AGMO: variants seen among roughly 807,000 people sequenced by gnomAD.
AGMO encodes the protein glyceryl-ether monooxygenase.
In AGMO, 75 loss-of-function variants were observed where a neutral mutation model predicts 60.2. That is an observed-to-expected ratio of 1.25 (90% CI 1.03 to 1.51). AGMO has a LOEUF of 1.51. AGMO is among the 40% of genes most tolerant of loss of function. AGMO has a pLI of 0.00. For synonymous variants in AGMO, 261 were observed against 177.1 expected (o/e 1.47, Z -3.76); for missense variants, 763 against 525.5 (o/e 1.45, Z -4.42).
intron 12 of AGMO, among the ~76,000 whole-genome samples, chr7:15,230,154 G>A (rs1456261646): frequency 1.3e-5 from 2 of 152,156 alleles, no homozygotes; most frequent in East Asian, 1.9e-4. Flanking sequence ...AAGAGGAGGA[G>A]GAAAATAAGA....
chr7:15,532,720 G>T (rs199776374), intron 3 of AGMO, among the ~76,000 whole-genome samples: 1 of 12,566 alleles, frequency 8.0e-5, no homozygotes, highest in Non-Finnish European at 2.9e-4. Context: ...GCTGGGTGCG[G>T]TGGTTCATGC....
chr7:15,283,850 G>A (rs921699980), intron 12 of AGMO, among the ~76,000 whole-genome samples: 16 of 151,284 alleles, frequency 1.1e-4, no homozygotes, highest in African/African-American at 3.9e-4. Flanking sequence ...TCTTAATGAA[G>A]TTTAAAAAAA....
At chr7:15,505,773 CTT>C (rs1371512987) in intron 3 of AGMO, among the ~76,000 whole-genome samples, 2 of 151,802 alleles carry the variant, frequency 1.3e-5, no homozygotes, top group African/African-American at 4.8e-5. Flanking sequence ...AAATATTTTC[CTT>C]GTTTAAATTA....
At chr7:15,126,047 A>C in the AGMO span, among the ~76,000 whole-genome samples, 1 of 152,100 alleles carries the variant, frequency 6.6e-6, no homozygotes, top group Non-Finnish European at 1.5e-5. Flanking sequence ...CATTTGGTGA[A>C]GTACCACAGT....
At chr7:15,304,976 C>A (rs1477682210) in intron 12 of AGMO, among the ~76,000 whole-genome samples, 1 of 151,956 alleles carries the variant, frequency 6.6e-6, no homozygotes, top group Non-Finnish European at 1.5e-5. Context: ...GGTTTCCCTC[C>A]TGCCATCTCA....
At chr7:15,487,667 G>T (rs1308087753) in intron 3 of AGMO, among the ~76,000 whole-genome samples, 2 of 151,930 alleles carry the variant, frequency 1.3e-5, no homozygotes, top group Non-Finnish European at 2.9e-5. Context: ...GTCCTTATAT[G>T]ATTTAAACAT....
intron 8 of AGMO, among the ~76,000 whole-genome samples, chr7:15,389,258 GAACATT>G (rs1784044404): frequency 6.6e-6 from 1 of 152,038 alleles, no homozygotes. Context: ...TGATTCACAT[GAACATT>G]AAGTTTGCAA....
chr7:15,468,327 A>T (rs1328974494), intron 3 of AGMO, among the ~76,000 whole-genome samples: 1 of 152,062 alleles, frequency 6.6e-6, no homozygotes, highest in Non-Finnish European at 1.5e-5. Context: ...ATACCAAGAA[A>T]TTTTTTCTAT....
At chr7:15,160,030 A>G in the AGMO span, among the ~76,000 whole-genome samples, 8 of 152,182 alleles carry the variant, frequency 5.3e-5, no homozygotes, top group Non-Finnish European at 8.8e-5. Flanking sequence ...GAATGCTAAT[A>G]TATCACTTTT....
intron 2 of AGMO, among the ~76,000 whole-genome samples, chr7:15,548,597 G>A (rs543243694): frequency 1.3e-4 from 20 of 152,126 alleles, no homozygotes; most frequent in East Asian, 1.9e-4. Context: ...GAAATGAAGC[G>A]AGAAGGGAAG....
chr7:15,560,300 C>G, intron 1 of AGMO, 29 bp from the exon 2 acceptor site: 1 of 1,593,368 alleles, frequency 6.3e-7, no homozygotes, highest in Non-Finnish European at 8.6e-7. Context: ...AAAAGAGATG[C>G]TATTATGTTC....
chr7:15,549,405 C>A (rs991491092), intron 2 of AGMO, among the ~76,000 whole-genome samples: 1 of 152,128 alleles, frequency 6.6e-6, no homozygotes, highest in Admixed American at 6.5e-5. Context: ...CATCAGTGCA[C>A]TGTATTCAGG....
chr7:15,254,371 C>A (rs1378284695), intron 12 of AGMO, among the ~76,000 whole-genome samples: 4 of 152,078 alleles, frequency 2.6e-5, no homozygotes, highest in Non-Finnish European at 1.5e-5. Flanking sequence ...TCAGAGTTCC[C>A]CTTTCTCTAC....
intron 3 of AGMO, among the ~76,000 whole-genome samples, chr7:15,541,342 G>T (rs1015021861): frequency 6.6e-6 from 1 of 152,022 alleles, no homozygotes; most frequent in Non-Finnish European, 1.5e-5. Context: ...GGCTGGTCTC[G>T]AACTCCTGAC....
intron 12 of AGMO, among the ~76,000 whole-genome samples, chr7:15,260,345 A>G (rs778381606): frequency 2.0e-5 from 3 of 152,140 alleles, no homozygotes; most frequent in Admixed American, 1.3e-4. Flanking sequence ...AATGAACACC[A>G]CAAGAGAGCA....
In AGMO at chr7:15,315,239, A is replaced by T. The variant is rs991679271; in HGVS notation, c.1263+50275T>A. On this transcript the variant is annotated intron_variant, in intron 12 of 12. Transcript: ENST00000342526. ...CTAAGTTTGTGGTAACTTGCTATGG[A>T]AGTAATAGAAAACTAATACATACAA... is the stretch of plus-strand genomic sequence containing the variant. 7.9e-5 allele frequency among the ~76,000 whole-genome samples: 12 copies of T among 152,020 alleles called. No individual in the cohort carries two copies. In the East Asian group the frequency reaches 2.3e-3, roughly 29 times the overall value.
At chr7:15,354,437 TATACACAC>T (rs1782414182) in intron 12 of AGMO, among the ~76,000 whole-genome samples, 3 of 20,548 alleles carry the variant, frequency 1.5e-4, no homozygotes, top group Admixed American at 5.7e-4. Context: ...CACGTGTGTG[TATACACAC>T]GTGTGTGTAT....
At chr7:15,149,812 A>G in the AGMO span, among the ~76,000 whole-genome samples, 1 of 151,926 alleles carries the variant, frequency 6.6e-6, no homozygotes, top group Non-Finnish European at 1.5e-5. Context: ...CTTTGGTTTT[A>G]TATGTATTTT....
At chr7:15,527,602 G>C (rs1784159869) in intron 3 of AGMO, among the ~76,000 whole-genome samples, 1 of 152,292 alleles carries the variant, frequency 6.6e-6, no homozygotes, top group Non-Finnish European at 1.5e-5. Context: ...ATCTAGCTAA[G>C]ACCATTCAAG....
Sources: allele counts gnomAD v4.1 joint callset (sites outside exome capture counted in the v4.1 genomes callset), GRCh38; gene constraint gnomAD v4.1.1; transcripts MANE v1.5; gene names NCBI Gene and HGNC (gene_info 2026-07-23, HGNC 2026-07-21).